Variants in RANBP3 observed in about 807,000 individuals in gnomAD.
The protein encoded by RANBP3 is RAN binding protein 3, also known as ran-binding protein 3.
In RANBP3, 14 loss-of-function variants were observed where a neutral mutation model predicts 77.3. The observed-to-expected ratio is 0.18, with a 90% CI of 0.12 to 0.28. The LOEUF (loss-of-function observed/expected upper bound fraction) is 0.28. Ranked by LOEUF, RANBP3 falls within the 10% of genes least tolerant of loss-of-function variation. The pLI, the probability that RANBP3 is intolerant of heterozygous loss-of-function variation, is 1.00. For missense variants in RANBP3, 586 were observed against 752.3 expected (o/e 0.78, Z 2.59); for synonymous variants, 315 against 312.4 (o/e 1.01, Z -0.09).
chr19:5,938,771 C>G (rs1267662955), intron 5 of RANBP3, among the ~76,000 whole-genome samples: 1 of 152,066 alleles, frequency 6.6e-6, no homozygotes, highest in East Asian at 1.9e-4. Flanking sequence ...TGTGAGAATG[C>G]ACAAAAAAGA....
In RANBP3 at chr19:5,917,661, G is replaced by A; in HGVS notation, c.1661-8C>T. On this transcript the variant is annotated splice_region_variant and splice_polypyrimidine_tract_variant and intron_variant, in intron 16 of 16. Transcript: ENST00000340578. Reference sequence around the variant, plus strand: ...CCCCTTCGTCACCAGCACCTGCAGGGAAGCAGCAGCCCCGCATCAGGATGG... The same window carrying A: ...CCCCTTCGTCACCAGCACCTGCAGGAAAGCAGCAGCCCCGCATCAGGATGG... 15 of 1,606,148 alleles carry A rather than the reference G, an allele frequency of 9.3e-6. No homozygotes were observed. The highest frequency in any genetic ancestry group is 1.1e-5 in the South Asian group (1 of 90,446).
intron 1 of RANBP3, among the ~76,000 whole-genome samples, chr19:5,973,978 C>T (rs1052296294): frequency 1.3e-5 from 2 of 152,140 alleles, no homozygotes; most frequent in Admixed American, 6.5e-5. Flanking sequence ...AGCCTGTGTC[C>T]CCACCATCGA....
rs957455521 is a variant in RANBP3 at position 5,955,855 on chromosome 19, A to G, written c.78+2063T>C. ...GTTGGCTCATGCCCACAATCCCAGC[A>G]CTTTGGGAGGCTGAGGCAGGAGAAA... On this transcript the variant is annotated intron_variant, in intron 2 of 16. Coordinates refer to ENST00000340578, the MANE Select transcript of RANBP3 (RefSeq NM_007322.3). 7.2e-5 allele frequency among the ~76,000 whole-genome samples: 11 copies of G among 152,200 alleles called. No individual in the cohort carries two copies. The East Asian group carries it at 1.7e-3, about 24-fold the overall frequency.
intron 3 of RANBP3, 97 bp from the exon 4 acceptor site, chr19:5,941,932 G>A (rs1599754191): frequency 7.9e-6 from 11 of 1,395,506 alleles, no homozygotes; most frequent in African/African-American, 1.4e-5. Context: ...CATGCACCAC[G>A]GGCAGCTAGT....
At chr19:5,977,954 A>G (rs970224418) in intron 1 of RANBP3, 107 bp downstream of exon 1, 1 of 1,431,320 alleles carries the variant, frequency 7.0e-7, no homozygotes, top group African/African-American at 1.5e-5. Context: ...CCTGGAGCGG[A>G]CGAAACCCTT....
At chr19:5,930,196 G>A (rs2057970181) in intron 8 of RANBP3, among the ~76,000 whole-genome samples, 1 of 152,242 alleles carries the variant, frequency 6.6e-6, no homozygotes, top group Admixed American at 6.5e-5. Flanking sequence ...GGAGACCTCA[G>A]CAGTCAAAGC....
rs745337660 is a variant in RANBP3, at chr19:5,917,289, G to A, written c.*321C>T. 28 of 411,762 alleles carry A rather than the reference G, an allele frequency of 6.8e-5. 1 individual carries two copies. Among genetic ancestry groups the A allele is most frequent in the East Asian group, 3.0e-4 (6 of 19,948 alleles). The allele number at this position is 411,762 out of a possible 1,614,324, so 25.5% of individuals were successfully genotyped here. A position where few individuals can be genotyped will look rare whatever the true frequency, so the allele number is the denominator to read the frequency against. ...GGCTGGACCCAGAGGCTGGCGACAC[G>A]CGGGGTGAAGGAACGAGGTCTCCAG... On this transcript the variant is annotated 3_prime_UTR_variant, in exon 17 of 17. Transcript: ENST00000340578.
At chr19:5,962,848 G>A (rs2058420946) in intron 1 of RANBP3, 2 of 430,494 alleles carry the variant, frequency 4.6e-6, no homozygotes, top group South Asian at 1.7e-5. Flanking sequence ...CACTGCCCCC[G>A]ACCACCAGAC....
rs1248664031 is a variant in RANBP3, at chr19:5,921,101, G to A, written c.1330+100C>T. 3 of 1,419,626 alleles carry A rather than the reference G, an allele frequency of 2.1e-6. No individual in the cohort carries two copies. The highest frequency in any genetic ancestry group is 2.8e-6 in the Non-Finnish European group (3 of 1,057,024). 87.9% of individuals were successfully genotyped at this position (1,419,626 alleles called of 1,614,324 possible). ...ACTCTGTGCCTTGACTCTCACAAGG[G>A]TAGGGTCAGGATCTCCCCCGCTTCA... On this transcript the variant is annotated intron_variant, in intron 14 of 16. Coordinates refer to ENST00000340578, the MANE Select transcript of RANBP3 (RefSeq NM_007322.3). The surrounding 1 kb of genome is among the most constrained non-coding windows in gnomAD (Gnocchi z 5.3).
At chr19:5,941,340 T>C (rs1305117002) in intron 5 of RANBP3, among the ~76,000 whole-genome samples, 3 of 147,414 alleles carry the variant, frequency 2.0e-5, no homozygotes, top group African/African-American at 8.1e-5. Context: ...GGGCTCTCAG[T>C]AGTCAACCCC....
At chr19:5,936,597 C>T (rs2058067903) in intron 5 of RANBP3, among the ~76,000 whole-genome samples, 1 of 152,168 alleles carries the variant, frequency 6.6e-6, no homozygotes, top group Non-Finnish European at 1.5e-5. Flanking sequence ...AACCAGCGTG[C>T]CTCTGAGAAA....
At chr19:5,942,802 T>C (rs2058156028) in intron 3 of RANBP3, among the ~76,000 whole-genome samples, 1 of 151,826 alleles carries the variant, frequency 6.6e-6, no homozygotes. Flanking sequence ...GAAGGATCGC[T>C]TGAGCCCAGG....
At chr19:5,930,095 G>A (rs992052668) in intron 8 of RANBP3, among the ~76,000 whole-genome samples, 1 of 152,204 alleles carries the variant, frequency 6.6e-6, no homozygotes, top group Non-Finnish European at 1.5e-5. Context: ...ACTCACCATC[G>A]GGGACAATCA....
intron 3 of RANBP3, among the ~76,000 whole-genome samples, chr19:5,947,645 A>G (rs2058223420): frequency 6.6e-6 from 1 of 152,226 alleles, no homozygotes; most frequent in South Asian, 2.1e-4. Context: ...GAGTGAACAG[A>G]GCAGGCTCAG....
intron 1 of RANBP3, among the ~76,000 whole-genome samples, chr19:5,977,476 G>A (rs2058607801): frequency 6.6e-6 from 1 of 152,114 alleles, no homozygotes; most frequent in South Asian, 2.1e-4. Flanking sequence ...GGGAGACGAA[G>A]CGCCCCGAAG....
chr19:5,932,261 G>A (rs1383621439), intron 7 of RANBP3, among the ~76,000 whole-genome samples, 191 bp downstream of exon 7: 5 of 152,200 alleles, frequency 3.3e-5, no homozygotes, highest in South Asian at 2.1e-4. Flanking sequence ...TCCCTTCTCC[G>A]TTGCCAGGGC....
chr19:5,933,356 CAG>C, intron 6 of RANBP3, 56 bp downstream of exon 6: 1 of 1,446,930 alleles, frequency 6.9e-7, no homozygotes, highest in Non-Finnish European at 9.5e-7. Flanking sequence ...TGTGGCCTAG[CAG>C]AGGTCTGAAA....
intron 5 of RANBP3, among the ~76,000 whole-genome samples, chr19:5,937,924 C>A (rs1164331876): frequency 2.0e-5 from 3 of 152,152 alleles, no homozygotes; most frequent in Admixed American, 6.5e-5. Context: ...TAAAGCAGAA[C>A]CTGCCTCACC....
At chr19:5,925,173 A>G in intron 10 of RANBP3, 1 of 525,684 alleles carries the variant, frequency 1.9e-6, no homozygotes, top group Non-Finnish European at 3.4e-6. Context: ...CCCAGTCGGG[A>G]CACGCTTTCT....
Sources: gnomAD v4.1 joint callset for allele counts (sites outside exome capture counted in the v4.1 genomes callset) on GRCh38, gnomAD v4.1.1 for gene constraint, Gnocchi (gnomAD v3.1) non-coding constraint, MANE v1.5 for transcripts, NCBI Gene and HGNC (gene_info 2026-07-23, HGNC 2026-07-21) for gene names.